The following ARID5B variants were observed in gnomAD, a reference collection of about 807,000 sequenced individuals.
ARID5B encodes the protein AT-rich interactive domain-containing protein 5B.
A neutral mutation model predicts 97.2 loss-of-function variants in ARID5B; 13 were observed. The ratio of observed to expected loss-of-function variants is 0.13; its 90% CI spans 0.09 to 0.21. ARID5B has a LOEUF of 0.21. Among genes scored for constraint, ARID5B ranks in the 10% least tolerant of loss-of-function variants. The pLI, the probability that ARID5B is intolerant of heterozygous loss-of-function variation, is 1.00. For synonymous variants in ARID5B, 556 were observed against 570.3 expected (o/e 0.97, Z 0.36); for missense variants, 1,210 against 1,465.3 (o/e 0.83, Z 2.84).
intron 4 of ARID5B, among the ~76,000 whole-genome samples, chr10:62,032,415 T>G (rs2132906575): frequency 6.6e-6 from 1 of 152,278 alleles, no homozygotes; most frequent in South Asian, 2.1e-4. Context: ...GTGTCAGACA[T>G]CTGATGGCAG....
chr10:62,052,139 A>G (rs1839798587), intron 5 of ARID5B, among the ~76,000 whole-genome samples: 1 of 152,206 alleles, frequency 6.6e-6, no homozygotes, highest in South Asian at 2.1e-4. Context: ...GAAGAGATCA[A>G]CCAGTAGAAA....
At chr10:61,954,415 T>A (rs1446328150) in intron 3 of ARID5B, among the ~76,000 whole-genome samples, 1 of 152,048 alleles carries the variant, frequency 6.6e-6, no homozygotes, top group Non-Finnish European at 1.5e-5. Flanking sequence ...TAAATTTCGA[T>A]GCTAAAATTT....
chr10:61,911,918 G>A (rs1183381868), intron 2 of ARID5B, among the ~76,000 whole-genome samples: 1 of 152,132 alleles, frequency 6.6e-6, no homozygotes, highest in African/African-American at 2.4e-5. Context: ...CTTGCAAAAT[G>A]AAATGTTGCT....
intron 2 of ARID5B, among the ~76,000 whole-genome samples, chr10:61,906,946 G>T (rs1048688435): frequency 6.6e-6 from 1 of 152,202 alleles, no homozygotes; most frequent in Non-Finnish European, 1.5e-5. Context: ...TATGCCCAAA[G>T]TTGACACATA....
chr10:61,983,656 T>G (rs1033552827), intron 3 of ARID5B, among the ~76,000 whole-genome samples: 7 of 151,984 alleles, frequency 4.6e-5, no homozygotes, highest in African/African-American at 7.3e-5. Flanking sequence ...AATTTTATAT[T>G]AGTAATATCG....
chr10:61,908,849 A>C (rs1419039955), intron 2 of ARID5B, among the ~76,000 whole-genome samples: 1 of 149,928 alleles, frequency 6.7e-6, no homozygotes, highest in African/African-American at 2.4e-5. Flanking sequence ...CTCTGCCCTC[A>C]AGGAGTTCCC....
At chr10:62,031,639 G>T (rs1449294115) in intron 4 of ARID5B, among the ~76,000 whole-genome samples, 1 of 152,142 alleles carries the variant, frequency 6.6e-6, no homozygotes, top group Non-Finnish European at 1.5e-5. Flanking sequence ...CAGATGAGAA[G>T]TCACAAGCTC....
intron 2 of ARID5B, among the ~76,000 whole-genome samples, chr10:61,914,928 C>G (rs1332883899): frequency 6.6e-6 from 1 of 152,138 alleles, no homozygotes; most frequent in Non-Finnish European, 1.5e-5. Context: ...GCTGCGAAGA[C>G]CAGTGGGCGA....
At chr10:62,024,684 A>T in intron 4 of ARID5B, 2 of 396,644 alleles carry the variant, frequency 5.0e-6, no homozygotes, top group Non-Finnish European at 8.9e-6. Context: ...AGGCAGATTA[A>T]CTTCCCATTG....
intron 3 of ARID5B, among the ~76,000 whole-genome samples, chr10:61,953,749 G>A (rs1203762241): frequency 6.6e-6 from 1 of 152,094 alleles, no homozygotes; most frequent in East Asian, 1.9e-4. Context: ...TCACAGTTTT[G>A]TCTCCCAGGA....
intron 2 of ARID5B, among the ~76,000 whole-genome samples, chr10:61,909,320 T>G (rs1843760142): frequency 8.6e-6 from 1 of 116,488 alleles, no homozygotes; most frequent in South Asian, 2.7e-4. Context: ...TTCAGTGAGT[T>G]TTTTTTTTTT....
At chr10:61,995,455 A>G (rs1163526519) in intron 3 of ARID5B, among the ~76,000 whole-genome samples, 2 of 152,220 alleles carry the variant, frequency 1.3e-5, no homozygotes, top group Non-Finnish European at 2.9e-5. Context: ...GGCAAAATAA[A>G]ATATGCCGAC....
intron 3 of ARID5B, among the ~76,000 whole-genome samples, chr10:61,985,140 G>A (rs111480327): frequency 2.2e-4 from 33 of 151,922 alleles, no homozygotes; most frequent in Admixed American, 6.5e-4. Context: ...TCTTCCCTGC[G>A]AAGACTTTCT....
At position 61,953,759 on chromosome 10, in the gene ARID5B, A is replaced by G. The variant is rs557989294; in HGVS notation, c.502+13351A>G. On this transcript the variant is annotated intron_variant, in intron 3 of 9. Transcript: ENST00000279873. ...CCATCTCACAGTTTTGTCTCCCAGG[A>G]CTTGGGAAGATTACGTTAGATCATC... is the stretch of plus-strand genomic sequence containing the variant. Among the ~76,000 whole-genome samples, 11 of 152,282 alleles carry G rather than the reference A, an allele frequency of 7.2e-5. No homozygotes were observed. The East Asian group carries it at 2.1e-3, about 29-fold the overall frequency.
chr10:61,912,445 G>C (rs1026661167), intron 2 of ARID5B, among the ~76,000 whole-genome samples: 1 of 151,996 alleles, frequency 6.6e-6, no homozygotes, highest in Non-Finnish European at 1.5e-5. Flanking sequence ...ATCAAAAAAG[G>C]ATAACTGAGG....
intron 2 of ARID5B, among the ~76,000 whole-genome samples, chr10:61,912,535 A>T (rs545431162): frequency 6.6e-6 from 1 of 152,196 alleles, no homozygotes; most frequent in African/African-American, 2.4e-5. Context: ...TACCTTAAAT[A>T]TATACAACCA....
intron 3 of ARID5B, among the ~76,000 whole-genome samples, chr10:61,978,418 A>T (rs978591178): frequency 2.1e-4 from 32 of 152,188 alleles, no homozygotes; most frequent in Admixed American, 1.4e-3. Context: ...TAGCTTGATG[A>T]GAATGGCATT....
chr10:61,919,328 T>A (rs946518316), intron 2 of ARID5B, among the ~76,000 whole-genome samples: 7 of 152,150 alleles, frequency 4.6e-5, no homozygotes, highest in African/African-American at 1.7e-4. Flanking sequence ...CACCCCTAAC[T>A]TGAAAATTTG....
At chr10:61,957,746 AT>A (rs1220181845) in intron 3 of ARID5B, among the ~76,000 whole-genome samples, 5 of 152,240 alleles carry the variant, frequency 3.3e-5, no homozygotes, top group African/African-American at 1.2e-4. Context: ...AAAATATATT[AT>A]TGTAATTTGA....
Sources: gnomAD v4.1 joint callset for allele counts (sites outside exome capture counted in the v4.1 genomes callset) on GRCh38, gnomAD v4.1.1 for gene constraint, MANE v1.5 for transcripts, NCBI Gene and HGNC (gene_info 2026-07-23, HGNC 2026-07-21) for gene names.